Variants in IARS2 observed in about 807,000 individuals in gnomAD.
The protein encoded by IARS2 is isoleucyl-tRNA synthetase 2, mitochondrial, also known as isoleucine--tRNA ligase, mitochondrial.
IARS2 carries 56 observed loss-of-function variants against 126.3 expected under a neutral mutation model. The observed-to-expected ratio is 0.44, with a 90% confidence interval of 0.36 to 0.55. The LOEUF is 0.55. IARS2 is among the 20% of genes least tolerant of loss of function. The probability of loss-of-function intolerance (pLI) is 0.00; values close to 1 mark genes in which losing one functional copy is unlikely to be tolerated. For synonymous variants in IARS2, 407 were observed against 441.1 expected (o/e 0.92, Z 0.97); for missense variants, 1,127 against 1,245.9 (o/e 0.90, Z 1.44).
At chr1:220,110,765 T>A in intron 10 of IARS2, 21 bp from the exon 11 acceptor site, 1 of 1,538,394 alleles carries the variant, frequency 6.5e-7, no homozygotes, top group Non-Finnish European at 8.9e-7. Flanking sequence ...TATGTCTAAT[T>A]TGGTGTTTTT....
intron 12 of IARS2, among the ~76,000 whole-genome samples, chr1:220,116,455 C>G (rs554261488): frequency 1.1e-3 from 170 of 152,036 alleles, no homozygotes; most frequent in African/African-American, 4.0e-3. Context: ...TTTCTTTGAG[C>G]AATTTTTTTT....
intron 1 of IARS2, 43 bp downstream of exon 1, chr1:220,094,526 T>C: frequency 6.7e-7 from 1 of 1,492,070 alleles, no homozygotes; most frequent in Non-Finnish European, 8.9e-7. Context: ...AGAGGCCCGA[T>C]CCGGCCGCGG....
At chr1:220,147,408 AAAAG>A (rs1657623743) in intron 22 of IARS2, 81 bp from the exon 23 acceptor site, 48 of 1,341,258 alleles carry the variant, frequency 3.6e-5, no homozygotes, top group Middle Eastern at 4.5e-4. Context: ...AAAAGACTGA[AAAAG>A]AAGCCTCTGC....
intron 14 of IARS2, among the ~76,000 whole-genome samples, chr1:220,132,787 G>T (rs1305958567): frequency 6.6e-6 from 1 of 152,082 alleles, no homozygotes; most frequent in Non-Finnish European, 1.5e-5. Context: ...GCCTCCCAAA[G>T]TTCTGGGATT....
chr1:220,126,828 T>A lies in IARS2; in HGVS notation c.1822T>A (p.Ser608Thr), dbSNP rs1657165545. The change falls in exon 14 of 23, where the codon TCT (serine) becomes ACT (threonine). Residue 608 changes from serine to threonine, a missense_variant. Transcript: ENST00000366922. ...CTGGTTTGATAGCGGAACTTCATGG[T>A]CTTATGTTCTTCCAGGTAATTCTTA... ...DIWFDSGTSW[S>T]YVLPGPDQRA... 1 of 1,608,202 alleles carries A rather than the reference T, an allele frequency of 6.2e-7. No individual in the cohort carries two copies. The highest frequency in any genetic ancestry group is 2.2e-5 in the East Asian group (1 of 44,822).
intron 14 of IARS2, among the ~76,000 whole-genome samples, chr1:220,133,982 C>T (rs951909358): frequency 1.3e-5 from 2 of 150,872 alleles, no homozygotes; most frequent in Middle Eastern, 3.2e-3. Flanking sequence ...TCTGAGATCA[C>T]ATGTCACATT....
chr1:220,094,291 C>T lies in IARS2; in HGVS notation c.75C>T (p.Pro25=). 4 of 1,611,330 alleles carry T rather than the reference C, an allele frequency of 2.5e-6. No homozygotes were observed. The highest frequency in any genetic ancestry group is 1.7e-4 in the Middle Eastern group (1 of 6,028). Residue 25 remains proline (P), a synonymous_variant, in exon 1 of 23, where the codon CCC becomes CCT. Transcript: ENST00000366922. ...CTGCCCGAAGTTTGTGGGGGACGCCCCGCCTTCCCTGCAGCCCGGGATGGC... is the reference window on the plus strand; with the variant it reads ...CTGCCCGAAGTTTGTGGGGGACGCCTCGCCTTCCCTGCAGCCCGGGATGGC... ...LATARSLWGT[P]RLPCSPGWQG...
chr1:220,140,588 C>T (rs1657466502), intron 19 of IARS2, among the ~76,000 whole-genome samples: 1 of 150,796 alleles, frequency 6.6e-6, no homozygotes, highest in Non-Finnish European at 1.5e-5. Flanking sequence ...CAAAAAATAA[C>T]AACAACAAAA....
intron 10 of IARS2, 150 bp from the exon 11 acceptor site, chr1:220,110,636 T>A: frequency 1.6e-6 from 1 of 628,146 alleles, no homozygotes; most frequent in Non-Finnish European, 2.8e-6. Flanking sequence ...AGTGCTGGGA[T>A]TACAGGTGTG....
chr1:220,104,590 G>T (rs1007151865), intron 8 of IARS2, among the ~76,000 whole-genome samples: 1 of 152,028 alleles, frequency 6.6e-6, no homozygotes, highest in Non-Finnish European at 1.5e-5. Flanking sequence ...TTGCTACATT[G>T]CCCAGGCTGG....
At chr1:220,143,390 C>A (rs1366120447) in intron 21 of IARS2, 1 of 262,642 alleles carries the variant, frequency 3.8e-6, no homozygotes, top group Non-Finnish European at 7.3e-6. Flanking sequence ...GGGTTTCCGT[C>A]TTCTAATCCT....
intron 22 of IARS2, among the ~76,000 whole-genome samples, chr1:220,146,435 G>A (rs141989076): frequency 1.3e-3 from 184 of 143,820 alleles, no homozygotes; most frequent in African/African-American, 4.6e-3. Flanking sequence ...GGAGAATGGC[G>A]TGAACCCCGG....
At chr1:220,129,502 A>C (rs889460142) in intron 14 of IARS2, among the ~76,000 whole-genome samples, 2 of 151,994 alleles carry the variant, frequency 1.3e-5, no homozygotes, top group Non-Finnish European at 2.9e-5. Context: ...AACTCTCTTC[A>C]TCCCTCCCTC....
At chr1:220,138,490 G>A (rs952891862) in intron 17 of IARS2, among the ~76,000 whole-genome samples, 2 of 151,784 alleles carry the variant, frequency 1.3e-5, no homozygotes, top group African/African-American at 4.8e-5. Context: ...AAAAACTCCT[G>A]TGTAAATTTA....
chr1:220,112,555 C>CTTTT (rs750583631), intron 11 of IARS2, among the ~76,000 whole-genome samples: 6 of 116,108 alleles, frequency 5.2e-5, no homozygotes, highest in Non-Finnish European at 8.7e-5. Flanking sequence ...AAGATAAGCT[C>CTTTT]TTTTTTTTTT....
At chr1:220,105,816 T>C (rs939321424) in intron 8 of IARS2, 75 bp from the exon 9 acceptor site, 3 of 1,250,688 alleles carry the variant, frequency 2.4e-6, no homozygotes, top group Non-Finnish European at 3.5e-6. Flanking sequence ...TTTAACCTGA[T>C]ACTCTATTGC....
intron 12 of IARS2, chr1:220,118,237 A>G (rs1656968069): frequency 2.0e-6 from 1 of 488,430 alleles, no homozygotes. Context: ...ACTTGATAAC[A>G]CCATTAAACA....
chr1:220,110,235 T>C (rs1656769345), intron 10 of IARS2, among the ~76,000 whole-genome samples: 1 of 152,096 alleles, frequency 6.6e-6, no homozygotes, highest in African/African-American at 2.4e-5. Context: ...TTTTTTTGTA[T>C]TTTTAATAGA....
chr1:220,137,861 T>G, intron 16 of IARS2, 57 bp from the exon 17 acceptor site: 1 of 1,597,068 alleles, frequency 6.3e-7, no homozygotes, highest in Non-Finnish European at 8.6e-7. Flanking sequence ...AAAACATTTG[T>G]TCGGCTAATT....
Sources: allele counts gnomAD v4.1 joint callset (sites outside exome capture counted in the v4.1 genomes callset), GRCh38; gene constraint gnomAD v4.1.1; transcripts MANE v1.5; gene names NCBI Gene and HGNC (gene_info 2026-07-23, HGNC 2026-07-21).